Variants in SMG1 observed in about 807,000 individuals in gnomAD.
SMG1 encodes serine/threonine-protein kinase SMG1.
SMG1 carries 22 observed loss-of-function variants against 419.9 expected under a neutral mutation model. That is an observed-to-expected ratio of 0.05 (90% CI 0.04 to 0.07). The LOEUF (loss-of-function observed/expected upper bound fraction) is 0.07, where lower values mean the gene tolerates loss of function less well. Among genes scored for constraint, SMG1 ranks in the 10% least tolerant of loss-of-function variants. SMG1 has a pLI of 1.00. For synonymous variants in SMG1, 1,538 were observed against 1,553.5 expected, an observed-to-expected ratio of 0.99 and a Z score of 0.23; for missense variants, 3,185 against 4,342.0, an observed-to-expected ratio of 0.73 and a Z score of 7.49.
chr16:18,812,751 A>G (rs892611857), intron 60 of SMG1, among the ~76,000 whole-genome samples: 3 of 152,002 alleles, frequency 2.0e-5, no homozygotes, highest in Non-Finnish European at 4.4e-5. Context: ...TACATGTGCC[A>G]TGTTGGTGTG....
In SMG1 at chr16:18,872,383, T is replaced by C. The variant is rs200977664; in HGVS notation, c.2022-38A>G. 9.9e-4 allele frequency: 1,502 copies of C among 1,520,692 alleles called. 6 individuals carry two copies. The highest frequency in any genetic ancestry group is 6.3e-3 in the Middle Eastern group (26 of 4,120). 94.2% of individuals were successfully genotyped at this position (1,520,692 alleles called of 1,614,324 possible). On this transcript the variant is annotated intron_variant, in intron 14 of 62. Transcript: ENST00000446231. ...GCACAGATTATCTTTTCATCTTTAA[T>C]CAAAGAAAGCAAGCAAGTCCAAAGT...
chr16:18,855,753 T>C (rs549129656), intron 29 of SMG1, among the ~76,000 whole-genome samples: 10 of 152,308 alleles, frequency 6.6e-5, no homozygotes, highest in African/African-American at 1.7e-4. Flanking sequence ...CAGCATAACT[T>C]AGGTCCCTTT....
chr16:18,836,293 C>T, intron 47 of SMG1, 67 bp downstream of exon 47: 5 of 1,589,690 alleles, frequency 3.1e-6, no homozygotes, highest in Non-Finnish European at 4.3e-6. Flanking sequence ...ACCAGGACCC[C>T]ACACAAACAC....
At chr16:18,900,340 T>C (rs2037298355) in intron 1 of SMG1, among the ~76,000 whole-genome samples, 1 of 152,156 alleles carries the variant, frequency 6.6e-6, no homozygotes, top group African/African-American at 2.4e-5. Flanking sequence ...ATTCTCAATA[T>C]ACAGAAAAAT....
At chr16:18,832,582 G>GCGCACA (rs375153210) in intron 51 of SMG1, among the ~76,000 whole-genome samples, 25 of 148,394 alleles carry the variant, frequency 1.7e-4, no homozygotes, top group African/African-American at 5.5e-4. Context: ...CTATACACTT[G>GCGCACA]CACACACACA....
At chr16:18,879,976 C>T (rs1310673400) in intron 10 of SMG1, among the ~76,000 whole-genome samples, 2 of 152,156 alleles carry the variant, frequency 1.3e-5, no homozygotes, top group Non-Finnish European at 2.9e-5. Flanking sequence ...TCCCATATAC[C>T]CAACTTCGTT....
Position 18,830,247 on chromosome 16 carries a change from T to G in SMG1, c.8915A>C (p.Glu2972Ala), listed in dbSNP as rs747291448. ...VAFDGMFAQV[E>A]TAFSLLVEKL... ...TTCAACTAATAAGCTGAAAGCAGTT[T>G]CAACTTGAGCAAACATGCCATCGAA... Residue 2972 changes from glutamate to alanine, a missense_variant, in exon 52 of 63, where the codon GAA becomes GCA. This residue lies in a region of SMG1 where 737 missense variants were observed against 846.6 expected (regional missense o/e 0.87). Coordinates refer to ENST00000446231, the MANE Select transcript of SMG1 (RefSeq NM_015092.5). 1 of 1,613,838 alleles carries G rather than the reference T, an allele frequency of 6.2e-7. No homozygotes were observed. Among genetic ancestry groups the G allele is most frequent in the Non-Finnish European group, 8.5e-7 (1 of 1,179,868 alleles).
intron 51 of SMG1, among the ~76,000 whole-genome samples, chr16:18,832,715 T>A (rs1478293851): frequency 6.6e-6 from 1 of 152,066 alleles, no homozygotes; most frequent in African/African-American, 2.4e-5. Context: ...GAAGGAAGGA[T>A]GAAGCATGCA....
chr16:18,858,328 G>A (rs1377109633), intron 28 of SMG1, 38 bp from the exon 29 acceptor site: 2 of 1,562,910 alleles, frequency 1.3e-6, no homozygotes, highest in African/African-American at 2.8e-5. Context: ...ACATAAAACA[G>A]GCTGTTGATA....
At chr16:18,882,407 A>C (rs1389559925) in intron 9 of SMG1, 69 bp from the exon 10 acceptor site, 12 of 836,202 alleles carry the variant, frequency 1.4e-5, no homozygotes, top group Non-Finnish European at 1.7e-6. Context: ...AAAAACTCTA[A>C]AATATTTCAA....
At chr16:18,838,275 TC>T (rs764711902) in intron 44 of SMG1, 43 bp from the exon 45 acceptor site, 2 of 1,610,018 alleles carry the variant, frequency 1.2e-6, no homozygotes, top group Non-Finnish European at 1.7e-6. Flanking sequence ...GCCACAAGTT[TC>T]ATCACTAAAG....
In SMG1 at chr16:18,838,587, C is replaced by G; in HGVS notation, c.7048G>C (p.Val2350Leu). 4 of 1,613,554 alleles carry G rather than the reference C, an allele frequency of 2.5e-6. No homozygotes were observed. The highest frequency in any genetic ancestry group is 3.4e-6 in the Non-Finnish European group (4 of 1,179,480). Residue 2350 changes from valine to leucine, a missense_variant, in exon 43 of 63, where the codon GTT becomes CTT. Physicochemically the swap from Val to Leu is conservative, Grantham distance 32. Coordinates refer to ENST00000446231, the MANE Select transcript of SMG1 (RefSeq NM_015092.5). ...NVLIDMTTGE[V>L]VHIDYNVCFE... Reference sequence around the variant, plus strand: ...CAAACATTGTAATCTATGTGAACAACTTCTCCAGTCGTCATATCTATAAGA... The same window carrying G: ...CAAACATTGTAATCTATGTGAACAAGTTCTCCAGTCGTCATATCTATAAGA...
At chr16:18,882,540 C>A (rs1226156154) in intron 9 of SMG1, among the ~76,000 whole-genome samples, 1 of 151,986 alleles carries the variant, frequency 6.6e-6, no homozygotes, top group Admixed American at 6.6e-5. Context: ...AACATTAAAC[C>A]CAACAGACAA....
rs368185720 is a variant in SMG1, at chr16:18,908,626, T to A, written c.93-11670A>T. 1.4e-4 allele frequency among the ~76,000 whole-genome samples: 21 copies of A among 152,184 alleles called. No individual in the cohort carries two copies. The East Asian group carries it at 3.3e-3, about 24-fold the overall frequency. On this transcript the variant is annotated intron_variant, in intron 1 of 62. Transcript: ENST00000446231. ...CAGGTGTGGTGGCTCACGCCTGTAA[T>A]CCCAGCACTTTGGGAGGCCAAGGCG...
At chr16:18,846,860 A>G (rs2034297168) in intron 38 of SMG1, among the ~76,000 whole-genome samples, 1 of 152,200 alleles carries the variant, frequency 6.6e-6, no homozygotes, top group Admixed American at 6.5e-5. Context: ...CATACGATTC[A>G]GCAAATCCAC....
At chr16:18,919,793 G>A (rs1315508741) in intron 1 of SMG1, among the ~76,000 whole-genome samples, 1 of 151,430 alleles carries the variant, frequency 6.6e-6, no homozygotes, top group Non-Finnish European at 1.5e-5. Flanking sequence ...AATTTGTAAA[G>A]GAATCAAAAC....
At chr16:18,819,435 T>G (rs141985106) in intron 56 of SMG1, 67 bp downstream of exon 56, 23,302 of 1,542,920 alleles carry the variant, frequency 0.015, 226 homozygotes, top group Non-Finnish European at 0.018. Context: ...ACCCCACATA[T>G]AACTTCCAGC....
At chr16:18,841,084 G>A (rs1389984963) in intron 41 of SMG1, among the ~76,000 whole-genome samples, 1 of 151,764 alleles carries the variant, frequency 6.6e-6, no homozygotes, top group Non-Finnish European at 1.5e-5. Context: ...CCAAAAAAAA[G>A]CAAACAACTT....
At chr16:18,830,161 C>T (rs767152459) in intron 52 of SMG1, 46 bp from the exon 53 acceptor site, 4 of 1,607,164 alleles carry the variant, frequency 2.5e-6, no homozygotes, top group African/African-American at 1.3e-5. Context: ...ACTCTTGACA[C>T]AACTGAACAA....
Sources: allele counts gnomAD v4.1 joint callset (sites outside exome capture counted in the v4.1 genomes callset), GRCh38; gene constraint gnomAD v4.1.1; regional missense constraint gnomAD v4.1.1; transcripts MANE v1.5; gene names NCBI Gene and HGNC (gene_info 2026-07-23, HGNC 2026-07-21).